GABRB2: variants seen among roughly 807,000 people sequenced by gnomAD.
The protein encoded by GABRB2 is gamma-aminobutyric acid receptor subunit beta-2.
In GABRB2, 16 loss-of-function variants were observed where a neutral mutation model predicts 54.7. That is an observed-to-expected ratio of 0.29 (90% CI 0.20 to 0.44). The LOEUF is 0.44. Ranked by LOEUF, GABRB2 falls within the 20% of genes least tolerant of loss-of-function variation. The pLI is 1.00. For synonymous variants in GABRB2, 244 were observed against 233.8 expected (o/e 1.04, Z -0.40); for missense variants, 355 against 644.0 (o/e 0.55, Z 4.86).
chr5:161,380,690 A>G (rs1297277814), intron 5 of GABRB2, among the ~76,000 whole-genome samples: 1 of 152,196 alleles, frequency 6.6e-6, no homozygotes, highest in East Asian at 1.9e-4. Context: ...AGCTGAGTTC[A>G]ATCAAGTCTT....
chr5:161,449,183 T>C (rs1757721865), intron 4 of GABRB2, among the ~76,000 whole-genome samples: 2 of 152,162 alleles, frequency 1.3e-5, no homozygotes, highest in South Asian at 2.1e-4. Context: ...ACTTAGATCA[T>C]GGGTTTTGAG....
At position 161,334,771 on chromosome 5, in the gene GABRB2, T is replaced by A. The variant is rs367813708; in HGVS notation, c.813A>T (p.Ser271=). The stretch of plus-strand genomic sequence containing the variant: ...GCCTACCTAATGCCACCCTTGCAGC[T>A]GAAGCATCGTAATTAATCCAGAAGG... The part of the protein sequence containing the change: ...WVSFWINYDA[S]AARVALGITT... The change falls in exon 7 of 10, where the codon TCA becomes TCT. Residue 271 remains serine (S), a synonymous_variant. Transcript: ENST00000393959. The A allele has an allele frequency of 3.3e-5, 53 of 1,613,822 alleles. No homozygotes were observed. The highest frequency in any genetic ancestry group is 4.3e-5 in the Non-Finnish European group (51 of 1,179,886).
At chr5:161,431,120 G>A (rs1001141009) in intron 4 of GABRB2, among the ~76,000 whole-genome samples, 9 of 152,134 alleles carry the variant, frequency 5.9e-5, no homozygotes, top group Non-Finnish European at 2.9e-5. Context: ...CCAGCTCTGT[G>A]ACACTAGTAT....
At chr5:161,353,358 G>A (rs998855990) in intron 5 of GABRB2, among the ~76,000 whole-genome samples, 4 of 152,036 alleles carry the variant, frequency 2.6e-5, no homozygotes, top group African/African-American at 4.8e-5. Context: ...AGTAAAGGAA[G>A]GAGTACCTTG....
chr5:161,546,700 T>C lies in GABRB2; in HGVS notation c.-57A>G. On this transcript the variant is annotated 5_prime_UTR_variant, in exon 1 of 10. Coordinates refer to ENST00000393959, the MANE Select transcript of GABRB2 (RefSeq NM_001371727.1). ...ACTGAAGAGAGGAGATCCAACTTAGTCTGCCCAGTGCAGTAATTCTAATGT... is the reference window on the plus strand; with the variant it reads ...ACTGAAGAGAGGAGATCCAACTTAGCCTGCCCAGTGCAGTAATTCTAATGT... 6.4e-7 allele frequency: 1 copy of C among 1,553,746 alleles called. No individual in the cohort carries two copies. The highest frequency in any genetic ancestry group is 8.7e-7 in the Non-Finnish European group (1 of 1,148,036).
At chr5:161,334,139 A>G (rs1338370002) in intron 7 of GABRB2, among the ~76,000 whole-genome samples, 1 of 152,242 alleles carries the variant, frequency 6.6e-6, no homozygotes, top group Non-Finnish European at 1.5e-5. Context: ...AGAATCCATA[A>G]TAATCAAGAT....
intron 5 of GABRB2, among the ~76,000 whole-genome samples, chr5:161,410,376 A>G (rs1756470526): frequency 7.7e-6 from 1 of 129,120 alleles, no homozygotes; most frequent in Admixed American, 8.5e-5. Flanking sequence ...AAGTCAGCAC[A>G]GTAAACAGAA....
intron 5 of GABRB2, among the ~76,000 whole-genome samples, chr5:161,344,877 A>G (rs1254029383): frequency 6.6e-6 from 1 of 152,184 alleles, no homozygotes; most frequent in African/African-American, 2.4e-5. Flanking sequence ...AAAAAAGATG[A>G]GTTCATGTCC....
At chr5:161,512,987 C>T (rs950532081) in intron 3 of GABRB2, among the ~76,000 whole-genome samples, 2 of 150,416 alleles carry the variant, frequency 1.3e-5, no homozygotes, top group African/African-American at 4.9e-5. Context: ...GAATACAAAT[C>T]AAAACCACAG....
intron 3 of GABRB2, among the ~76,000 whole-genome samples, chr5:161,506,651 T>C (rs1759614512): frequency 6.6e-6 from 1 of 152,100 alleles, no homozygotes; most frequent in African/African-American, 2.4e-5. Flanking sequence ...CATGAAATTA[T>C]AAAATAGTTA....
chr5:161,497,547 T>TGTGTGC (rs1307020658), intron 3 of GABRB2, among the ~76,000 whole-genome samples: 1 of 151,644 alleles, frequency 6.6e-6, no homozygotes, highest in Non-Finnish European at 1.5e-5. Flanking sequence ...TGTGTGTGTG[T>TGTGTGC]GTGTGTGTGT....
intron 9 of GABRB2, among the ~76,000 whole-genome samples, chr5:161,318,832 T>TA (rs1758121501): frequency 6.6e-6 from 1 of 152,036 alleles, no homozygotes; most frequent in African/African-American, 2.4e-5. Context: ...TTATAAATTT[T>TA]ACCTTTAAAA....
At chr5:161,501,460 T>G (rs1300664928) in intron 3 of GABRB2, among the ~76,000 whole-genome samples, 2 of 152,208 alleles carry the variant, frequency 1.3e-5, no homozygotes, top group Non-Finnish European at 2.9e-5. Flanking sequence ...TTAACTATGC[T>G]ACTATGCTAT....
intron 4 of GABRB2, among the ~76,000 whole-genome samples, chr5:161,434,668 G>T (rs543878578): frequency 6.6e-6 from 1 of 151,930 alleles, no homozygotes; most frequent in Non-Finnish European, 1.5e-5. Flanking sequence ...CAGTGTATTT[G>T]TCACCCCCTC....
chr5:161,344,989 A>C (rs958303315), intron 5 of GABRB2, among the ~76,000 whole-genome samples: 7 of 152,092 alleles, frequency 4.6e-5, no homozygotes, highest in African/African-American at 1.7e-4. Context: ...GTGGGAGTTG[A>C]ACAGTGAGAA....
At chr5:161,460,268 A>ATATATATGTGTGTGTG (rs1473728574) in intron 3 of GABRB2, among the ~76,000 whole-genome samples, 3 of 148,570 alleles carry the variant, frequency 2.0e-5, no homozygotes, top group African/African-American at 7.4e-5. Flanking sequence ...TTATATATAT[A>ATATATATGTGTGTGTG]TGTGTGTGTG....
At chr5:161,332,030 A>G (rs1195066829) in intron 7 of GABRB2, among the ~76,000 whole-genome samples, 5 of 151,630 alleles carry the variant, frequency 3.3e-5, no homozygotes, top group Admixed American at 6.6e-5. Context: ...GCCGGGCGTG[A>G]TGGCGGGCGC....
At chr5:161,467,817 G>A (rs140952220) in intron 3 of GABRB2, among the ~76,000 whole-genome samples, 2 of 152,166 alleles carry the variant, frequency 1.3e-5, no homozygotes, top group African/African-American at 4.8e-5. Context: ...CATAGGCTGT[G>A]AGAGTAAAGA....
At chr5:161,546,296 A>C in intron 2 of GABRB2, 26 bp downstream of exon 2, 1 of 1,589,084 alleles carries the variant, frequency 6.3e-7, no homozygotes, top group Non-Finnish European at 8.6e-7. Context: ...CTGTGGCTGG[A>C]CTTATTTGCA....
Sources: gnomAD v4.1 joint callset for allele counts (sites outside exome capture counted in the v4.1 genomes callset) on GRCh38, gnomAD v4.1.1 for gene constraint, MANE v1.5 for transcripts, NCBI Gene and HGNC (gene_info 2026-07-23, HGNC 2026-07-21) for gene names.